The following ROR2 variants were observed in gnomAD, a reference collection of about 807,000 sequenced individuals.
ROR2 encodes tyrosine-protein kinase transmembrane receptor ROR2.
In ROR2, 33 loss-of-function variants were observed where a neutral mutation model predicts 74.9. The observed-to-expected ratio is 0.44, with a 90% CI of 0.33 to 0.59. The LOEUF (loss-of-function observed/expected upper bound fraction) is 0.59, where lower values mean the gene tolerates loss of function less well. ROR2 is among the 20% of genes least tolerant of loss of function. The pLI, the probability that ROR2 is intolerant of heterozygous loss-of-function variation, is 0.02. For synonymous variants in ROR2, 586 were observed against 558.7 expected, an observed-to-expected ratio of 1.05 and a Z score of -0.69; for missense variants, 1,216 against 1,313.8, an observed-to-expected ratio of 0.93 and a Z score of 1.15.
At chr9:91,902,258 G>T (rs1412645719) in intron 1 of ROR2, among the ~76,000 whole-genome samples, 3 of 152,114 alleles carry the variant, frequency 2.0e-5, no homozygotes, top group Non-Finnish European at 4.4e-5. Flanking sequence ...CTTCATAGTA[G>T]AAATATCTCA....
At chr9:91,861,314 G>A (rs960104322) in intron 1 of ROR2, among the ~76,000 whole-genome samples, 12 of 152,128 alleles carry the variant, frequency 7.9e-5, no homozygotes, top group Admixed American at 3.3e-4. Flanking sequence ...ACACAGAATA[G>A]CCAAAACAAT....
At chr9:91,747,744 G>A (rs1401712683) in intron 4 of ROR2, among the ~76,000 whole-genome samples, 4 of 152,152 alleles carry the variant, frequency 2.6e-5, no homozygotes, top group Non-Finnish European at 5.9e-5. Flanking sequence ...ATATCATCAC[G>A]GTGGGGCGGG....
chr9:91,755,200 C>A (rs1441127069), intron 4 of ROR2, among the ~76,000 whole-genome samples: 1 of 152,168 alleles, frequency 6.6e-6, no homozygotes, highest in Non-Finnish European at 1.5e-5. Flanking sequence ...CTGCTGATGT[C>A]TGCTGAGACA....
At chr9:91,910,242 G>C (rs1387995213) in intron 1 of ROR2, among the ~76,000 whole-genome samples, 1 of 152,142 alleles carries the variant, frequency 6.6e-6, no homozygotes, top group Non-Finnish European at 1.5e-5. Context: ...ATGTGAAATA[G>C]GCAATTCCAG....
chr9:91,785,245 C>T (rs919421553), intron 1 of ROR2, among the ~76,000 whole-genome samples: 3 of 152,328 alleles, frequency 2.0e-5, no homozygotes, highest in South Asian at 4.1e-4. Flanking sequence ...TGTGGTTCGA[C>T]GCCTCACTTG....
chr9:91,821,619 C>T (rs555944796), intron 1 of ROR2, among the ~76,000 whole-genome samples: 114 of 152,336 alleles, frequency 7.5e-4, no homozygotes, highest in Middle Eastern at 3.4e-3. Context: ...CCCCTGTCCT[C>T]GTTCTCCAGC....
intron 1 of ROR2, among the ~76,000 whole-genome samples, chr9:91,865,595 C>G (rs1756569054): frequency 6.6e-6 from 1 of 152,172 alleles, no homozygotes; most frequent in South Asian, 2.1e-4. Flanking sequence ...CAGATCAGTC[C>G]TTTGTCATTC....
chr9:91,756,122 G>A (rs771151335), intron 3 of ROR2, 21 bp from the exon 4 acceptor site: 1 of 1,612,622 alleles, frequency 6.2e-7, no homozygotes, highest in Non-Finnish European at 8.5e-7. Flanking sequence ...GAAACAAAAA[G>A]ACAAGTTATT....
chr9:91,932,107 C>T (rs948792622), intron 1 of ROR2, among the ~76,000 whole-genome samples: 1 of 152,072 alleles, frequency 6.6e-6, no homozygotes, highest in African/African-American at 2.4e-5. Flanking sequence ...ATTAATTACA[C>T]AATGAAGAAT....
At chr9:91,740,923 ACTGATCCAAGGC>A (rs1417412124) in intron 4 of ROR2, among the ~76,000 whole-genome samples, 1 of 152,178 alleles carries the variant, frequency 6.6e-6, no homozygotes, top group Non-Finnish European at 1.5e-5. Context: ...GCTGCCAGGC[ACTGATCCAAGGC>A]CTGACGGGAC....
chr9:91,823,153 G>A (rs774426471), intron 1 of ROR2, among the ~76,000 whole-genome samples: 5 of 152,152 alleles, frequency 3.3e-5, no homozygotes, highest in Non-Finnish European at 4.4e-5. Context: ...AAGAGAACTG[G>A]AGAAAGGTGA....
chr9:91,933,138 C>G (rs1326250420), intron 1 of ROR2, among the ~76,000 whole-genome samples: 1 of 152,038 alleles, frequency 6.6e-6, no homozygotes, highest in Non-Finnish European at 1.5e-5. Context: ...CGGTCAAACT[C>G]CGTCTCTACC....
At position 91,880,611 on chromosome 9, in the gene ROR2, C is replaced by A. The variant is rs144059448; in HGVS notation, c.97+69256G>T. Among the ~76,000 whole-genome samples the A allele has an allele frequency of 2.5e-3, 387 of 152,346 alleles. 4 individuals are homozygous for A. Among genetic ancestry groups the A allele is most frequent in the African/African-American group, 8.7e-3 (363 of 41,584 alleles). On this transcript the variant is annotated intron_variant, in intron 1 of 8. Coordinates refer to ENST00000375708, the MANE Select transcript of ROR2 (RefSeq NM_004560.4). ...CCTAACAGATGCCACCTCAGCCAGT[C>A]AATCTCATCAGTTAGGGGACAAAGT...
chr9:91,875,817 G>A (rs1037831895), intron 1 of ROR2, among the ~76,000 whole-genome samples: 1 of 152,128 alleles, frequency 6.6e-6, no homozygotes, highest in African/African-American at 2.4e-5. Context: ...GCCACTAAAA[G>A]ATAAAGCAGC....
At chr9:91,752,422 A>C (rs1275510164) in intron 4 of ROR2, among the ~76,000 whole-genome samples, 2 of 152,228 alleles carry the variant, frequency 1.3e-5, no homozygotes, top group African/African-American at 4.8e-5. Context: ...ACCTACTGAT[A>C]CATGTACAAC....
intron 1 of ROR2, among the ~76,000 whole-genome samples, chr9:91,859,636 A>G (rs955268963): frequency 1.3e-5 from 2 of 152,140 alleles, no homozygotes; most frequent in African/African-American, 4.8e-5. Flanking sequence ...CAGCCTGGAC[A>G]ACATGGCGAA....
chr9:91,905,998 G>T lies in ROR2; in HGVS notation c.97+43869C>A, dbSNP rs1286329600. On this transcript the variant is annotated intron_variant, in intron 1 of 8. Transcript: ENST00000375708. This position sits in a 1 kb window ranked among gnomAD's most constrained non-coding sequence, Gnocchi z 5.3. ...AAGAAGCAAAAACACCCCTTAAAGAGAATTCTTTGAAAAAAAAAAACCACA... is the reference window on the plus strand; with the variant it reads ...AAGAAGCAAAAACACCCCTTAAAGATAATTCTTTGAAAAAAAAAAACCACA... Among the ~76,000 whole-genome samples the T allele has an allele frequency of 8.7e-6, 1 of 114,304 alleles. No homozygotes were observed. The highest frequency in any genetic ancestry group is 2.5e-4 in the East Asian group (1 of 4,032). The allele number at this position is 114,304 out of a possible 152,430, so 75.0% of individuals were successfully genotyped here.
chr9:91,730,848 G>A lies in ROR2; in HGVS notation c.1183+62C>T, dbSNP rs933407909. On this transcript the variant is annotated intron_variant, in intron 7 of 8. Transcript: ENST00000375708. ...ACCCCAACCCAGGTCAGGACAGAAC[G>A]CCCTCATCACAAGGTTCACTCAACA... The A allele has an allele frequency of 8.7e-6, 14 of 1,608,046 alleles. No homozygotes were observed. In the East Asian group the frequency reaches 1.6e-4, roughly 18 times the overall value.
intron 1 of ROR2, among the ~76,000 whole-genome samples, chr9:91,888,597 T>G (rs1254241290): frequency 6.6e-6 from 1 of 152,212 alleles, no homozygotes; most frequent in Non-Finnish European, 1.5e-5. Flanking sequence ...GAAGCTGTAA[T>G]CAACACTTCT....
Sources: gnomAD v4.1 joint callset for allele counts (sites outside exome capture counted in the v4.1 genomes callset) on GRCh38, gnomAD v4.1.1 for gene constraint, Gnocchi (gnomAD v3.1) non-coding constraint, MANE v1.5 for transcripts, NCBI Gene and HGNC (gene_info 2026-07-23, HGNC 2026-07-21) for gene names.